The following CD96 variants were observed in gnomAD, a reference collection of about 807,000 sequenced individuals.
CD96 encodes CD96 molecule, also known as T-cell surface protein tactile.
Under a neutral mutation model 71.3 loss-of-function variants are expected in CD96, and 70 were observed. The ratio of observed to expected loss-of-function variants is 0.98; its 90% CI spans 0.81 to 1.20. CD96 has a LOEUF of 1.20. Among genes scored for constraint, CD96 ranks in the 50% most tolerant of loss-of-function variants. The pLI, the probability that CD96 is intolerant of heterozygous loss-of-function variation, is 0.00. For synonymous variants in CD96, 248 were observed against 233.0 expected (o/e 1.06, Z -0.59); for missense variants, 742 against 677.5 (o/e 1.10, Z -1.06).
intron 4 of CD96, 47 bp downstream of exon 4, chr3:111,579,281 G>T: frequency 2.0e-6 from 2 of 1,011,192 alleles, no homozygotes; most frequent in Non-Finnish European, 3.2e-6. Flanking sequence ...CCTGTCTCCT[G>T]CCCTGCTCTT....
chr3:111,652,484 A>G (rs1576439353), downstream of CD96: 1 of 152,106 alleles, frequency 6.6e-6, no homozygotes, highest in Admixed American at 6.6e-5. Flanking sequence ...AGGTATTTGG[A>G]TTGTTTCACT....
At chr3:111,606,845 A>T (rs765764397) in intron 8 of CD96, 53 bp downstream of exon 8, 2 of 1,069,834 alleles carry the variant, frequency 1.9e-6, no homozygotes, top group African/African-American at 3.1e-5. Context: ...ATTGATAACG[A>T]TAAAATTTCA....
chr3:111,593,585 T>C, intron 5 of CD96: 1 of 1,545,174 alleles, frequency 6.5e-7, no homozygotes, highest in Non-Finnish European at 8.7e-7. Context: ...AGGCAGCTCT[T>C]TCTCCCGCTG....
chr3:111,570,927 G>A, intron 3 of CD96: 1 of 1,576,840 alleles, frequency 6.3e-7, no homozygotes, highest in Non-Finnish European at 8.7e-7. Context: ...TGAGGCGCCA[G>A]CGTCAAAGTA....
At chr3:111,548,199 G>C (rs1261203260) in intron 2 of CD96, among the ~76,000 whole-genome samples, 2 of 152,148 alleles carry the variant, frequency 1.3e-5, no homozygotes, top group Admixed American at 6.5e-5. Flanking sequence ...TGAGGGACTT[G>C]AAGTGTTTGA....
At chr3:111,653,283 C>T (rs1940150907), downstream of CD96, among the ~76,000 whole-genome samples, 1 of 152,154 alleles carries the variant, frequency 6.6e-6, no homozygotes, top group South Asian at 2.1e-4. Flanking sequence ...CACAGCCTAC[C>T]TCAACAGGCA....
At chr3:111,662,032 T>C (rs918854833) in intron 14 of CD96, among the ~76,000 whole-genome samples, 1 of 152,252 alleles carries the variant, frequency 6.6e-6, no homozygotes, top group Non-Finnish European at 1.5e-5. Flanking sequence ...GTACATTCTT[T>C]GAAATCTAGG....
At chr3:111,578,939 A>C (rs1394533599) in intron 3 of CD96, 88 bp from the exon 4 acceptor site, 1 of 775,850 alleles carries the variant, frequency 1.3e-6, no homozygotes, top group Non-Finnish European at 2.4e-6. Flanking sequence ...TACTTTACAA[A>C]AAGTAAATGA....
chr3:111,602,798 A>C (rs1055126472), intron 7 of CD96, among the ~76,000 whole-genome samples: 2 of 152,226 alleles, frequency 1.3e-5, no homozygotes, highest in African/African-American at 4.8e-5. Context: ...AAGACACAGA[A>C]GAAAAATCTG....
At chr3:111,635,973 G>A (rs1939307310) in intron 10 of CD96, among the ~76,000 whole-genome samples, 1 of 152,056 alleles carries the variant, frequency 6.6e-6, no homozygotes, top group Non-Finnish European at 1.5e-5. Flanking sequence ...ATTGCTCTTT[G>A]GAAATCAAAT....
intron 1 of CD96, among the ~76,000 whole-genome samples, chr3:111,543,265 T>C (rs1447760230): frequency 1.3e-5 from 2 of 152,218 alleles, no homozygotes; most frequent in African/African-American, 2.4e-5. Flanking sequence ...ATATCATTTC[T>C]GTAACAGGAT....
At chr3:111,555,817 G>A (rs898925043) in intron 2 of CD96, among the ~76,000 whole-genome samples, 15 of 152,412 alleles carry the variant, frequency 9.8e-5, no homozygotes, top group African/African-American at 2.9e-4. Context: ...TCAAATATGT[G>A]AAGTTTTTGG....
At chr3:111,585,419 T>C (rs768854332) in intron 5 of CD96, 41 bp downstream of exon 5, 5 of 1,272,044 alleles carry the variant, frequency 3.9e-6, no homozygotes, top group Non-Finnish European at 4.6e-6. Context: ...CAGTATTACA[T>C]GTAAGGTGTG....
chr3:111,603,270 T>A (rs1227952258), intron 7 of CD96, among the ~76,000 whole-genome samples: 1 of 152,038 alleles, frequency 6.6e-6, no homozygotes, highest in African/African-American at 2.4e-5. Flanking sequence ...AGTGACACTT[T>A]GTCTCTACCA....
chr3:111,601,119 G>C (rs929873184), intron 7 of CD96, among the ~76,000 whole-genome samples: 2 of 152,108 alleles, frequency 1.3e-5, no homozygotes, highest in Non-Finnish European at 2.9e-5. Flanking sequence ...GAAAATAGTT[G>C]ATTCATGTTT....
intron 2 of CD96, among the ~76,000 whole-genome samples, chr3:111,547,287 C>A (rs1292778466): frequency 6.6e-6 from 1 of 152,192 alleles, no homozygotes; most frequent in Non-Finnish European, 1.5e-5. Flanking sequence ...TGAGCAAATT[C>A]TATTTCTCAG....
At chr3:111,647,456 T>A in intron 12 of CD96, 87 bp from the exon 13 acceptor site, 1 of 1,201,542 alleles carries the variant, frequency 8.3e-7, no homozygotes, top group East Asian at 2.4e-5. Flanking sequence ...GAAGAAAATA[T>A]GTTTCACGTA....
chr3:111,553,601 G>C (rs372313130), intron 2 of CD96, among the ~76,000 whole-genome samples: 9 of 151,662 alleles, frequency 5.9e-5, no homozygotes, highest in East Asian at 3.9e-4. Flanking sequence ...TAATTTATTA[G>C]CTTAAGTATT....
chr3:111,628,737 G>GA (rs934430218), intron 10 of CD96, among the ~76,000 whole-genome samples: 1 of 151,950 alleles, frequency 6.6e-6, no homozygotes, highest in African/African-American at 2.4e-5. Flanking sequence ...CAAAATGAAA[G>GA]AAAAAAATGG....
Sources: gnomAD v4.1 joint callset for allele counts (sites outside exome capture counted in the v4.1 genomes callset) on GRCh38, gnomAD v4.1.1 for gene constraint, MANE v1.5 for transcripts, NCBI Gene and HGNC (gene_info 2026-07-23, HGNC 2026-07-21) for gene names.